Variants in HSPA12A observed in about 807,000 individuals in gnomAD.
HSPA12A encodes heat shock 70 kDa protein 12A.
HSPA12A carries 28 observed loss-of-function variants against 69.2 expected under a neutral mutation model. That is an observed-to-expected ratio of 0.40 (90% CI 0.30 to 0.55). The LOEUF is 0.55. Among genes scored for constraint, HSPA12A ranks in the 20% least tolerant of loss-of-function variants. The probability of loss-of-function intolerance (pLI) is 0.38; values close to 1 mark genes in which losing one functional copy is unlikely to be tolerated. For synonymous variants in HSPA12A, 345 were observed against 370.5 expected, an observed-to-expected ratio of 0.93 and a Z score of 0.79; for missense variants, 686 against 900.7, an observed-to-expected ratio of 0.76 and a Z score of 3.05.
chr10:116,753,269 T>G (rs1554888510), intron 2 of HSPA12A, among the ~76,000 whole-genome samples: 1 of 152,178 alleles, frequency 6.6e-6, no homozygotes, highest in Non-Finnish European at 1.5e-5. Flanking sequence ...GACAGGCCTG[T>G]GTCCCATTCA....
intron 1 of HSPA12A, among the ~76,000 whole-genome samples, chr10:116,839,304 T>G (rs1212629611): frequency 6.6e-6 from 1 of 152,206 alleles, no homozygotes. Flanking sequence ...TTACTGAAGC[T>G]GCATGAGCAC....
chr10:116,732,361 G>GAAGGAAGGAAGGAAGGAAAGAAA (rs1554885934), intron 1 of HSPA12A, among the ~76,000 whole-genome samples: 1 of 100,016 alleles, frequency 1.0e-5, no homozygotes, highest in Non-Finnish European at 2.3e-5. Context: ...AGAGACAGAG[G>GAAGGAAGGAAGGAAGGAAAGAAA]GAAAGAAAAC....
At position 116,704,895 on chromosome 10, in the gene HSPA12A, G is replaced by A. The variant is rs193107060; in HGVS notation, c.254+256C>T. ...CAGGCCACAAGCTGGATTCACCCGG[G>A]CCAGGCTTCAAACATACTGCCCAGG... On this transcript the variant is annotated intron_variant, in intron 3 of 11. Coordinates refer to ENST00000369209, the MANE Select transcript of HSPA12A (RefSeq NM_025015.3). 9.9e-5 allele frequency among the ~76,000 whole-genome samples: 15 copies of A among 152,264 alleles called. No homozygotes were observed. In the Middle Eastern group the frequency reaches 0.01, roughly 104 times the overall value.
At chr10:116,681,913 G>A (rs1554878687) in intron 7 of HSPA12A, 36 bp from the exon 8 acceptor site, 10 of 1,588,122 alleles carry the variant, frequency 6.3e-6, no homozygotes, top group African/African-American at 4.0e-5. Context: ...TGACGGGTAA[G>A]AAAGCATGAA....
chr10:116,711,659 TTTTTTTTC>T (rs1290685229), intron 1 of HSPA12A, among the ~76,000 whole-genome samples: 1 of 23,606 alleles, frequency 4.2e-5, no homozygotes, highest in Non-Finnish European at 7.2e-5. Context: ...GACTCTTTCT[TTTTTTTTC>T]TTTTTTTTTT....
chr10:116,676,915 T>G (rs1554877816), intron 10 of HSPA12A, among the ~76,000 whole-genome samples: 1 of 152,216 alleles, frequency 6.6e-6, no homozygotes, highest in African/African-American at 2.4e-5. Flanking sequence ...CTCAGGTGCA[T>G]GTCCTCAGCC....
chr10:116,722,614 G>A (rs1210377787), intron 1 of HSPA12A, among the ~76,000 whole-genome samples: 1 of 152,144 alleles, frequency 6.6e-6, no homozygotes, highest in African/African-American at 2.4e-5. Context: ...CACACTCGGT[G>A]TGCCTGTCCT....
chr10:116,792,530 A>G (rs1844720978), intron 2 of HSPA12A, among the ~76,000 whole-genome samples: 1 of 151,404 alleles, frequency 6.6e-6, no homozygotes, highest in South Asian at 2.1e-4. Flanking sequence ...TAATCCCAGC[A>G]CTTTGGGAGG....
At chr10:116,835,577 A>T (rs1258471187) in intron 1 of HSPA12A, among the ~76,000 whole-genome samples, 5 of 152,204 alleles carry the variant, frequency 3.3e-5, no homozygotes, top group Non-Finnish European at 7.3e-5. Context: ...GGTGTAAAAC[A>T]AATTCCTAGA....
At chr10:116,758,142 G>T (rs1005443140) in intron 2 of HSPA12A, among the ~76,000 whole-genome samples, 2 of 152,174 alleles carry the variant, frequency 1.3e-5, no homozygotes, top group African/African-American at 4.8e-5. Flanking sequence ...AGAGGATGAG[G>T]TTGGAAAGGA....
Position 116,705,054 on chromosome 10 carries a change from C to T in HSPA12A, c.254+97G>A, listed in dbSNP as rs566996772. 18 of 1,441,022 alleles carry T rather than the reference C, an allele frequency of 1.2e-5. No individual in the cohort carries two copies. In the East Asian group the frequency reaches 1.9e-4, roughly 15 times the overall value. The allele number at this position is 1,441,022 out of a possible 1,614,324, so 89.3% of individuals were successfully genotyped here. A position where few individuals can be genotyped will look rare whatever the true frequency, so the allele number is the denominator to read the frequency against. ...GCCAAGCTGGAACAGAATCCAGGGC[C>T]GTCTTCGTAAGTGCCAATCACTGGC... On this transcript the variant is annotated intron_variant, in intron 3 of 11. Coordinates refer to ENST00000369209, the MANE Select transcript of HSPA12A (RefSeq NM_025015.3).
intron 5 of HSPA12A, among the ~76,000 whole-genome samples, chr10:116,696,502 A>C (rs780684576): frequency 6.6e-6 from 1 of 152,132 alleles, no homozygotes; most frequent in Non-Finnish European, 1.5e-5. Context: ...TTCGTCTTGC[A>C]CCATGATTGT....
chr10:116,777,392 C>T (rs954422348), intron 2 of HSPA12A, among the ~76,000 whole-genome samples: 3 of 152,246 alleles, frequency 2.0e-5, no homozygotes, highest in Non-Finnish European at 2.9e-5. Flanking sequence ...AGTTTTCAAA[C>T]ATTAGTCCTC....
intron 2 of HSPA12A, among the ~76,000 whole-genome samples, chr10:116,748,769 G>A (rs1422357529): frequency 3.3e-5 from 5 of 152,184 alleles, no homozygotes; most frequent in Admixed American, 3.3e-4. Context: ...CACTACACAA[G>A]AACAGCATGG....
chr10:116,817,029 AATC>A (rs1403705570), intron 2 of HSPA12A, among the ~76,000 whole-genome samples: 1 of 152,200 alleles, frequency 6.6e-6, no homozygotes, highest in African/African-American at 2.4e-5. Flanking sequence ...AGTTTGCTGG[AATC>A]ATCTGGATTG....
At chr10:116,792,321 G>A (rs3125623) in intron 2 of HSPA12A, among the ~76,000 whole-genome samples, 119,961 of 146,336 alleles carry the variant, frequency 0.82, 51,178 homozygotes, top group Non-Finnish European at 0.93. Flanking sequence ...TGTGAAAGGA[G>A]GTTAAGAGAC....
chr10:116,739,591 C>G (rs549875540), intron 1 of HSPA12A, among the ~76,000 whole-genome samples: 1 of 152,068 alleles, frequency 6.6e-6, no homozygotes, highest in Non-Finnish European at 1.5e-5. Context: ...CCTGTCCGAA[C>G]CACTCTGTCC....
intron 2 of HSPA12A, among the ~76,000 whole-genome samples, chr10:116,790,074 T>C (rs573955873): frequency 2.0e-5 from 3 of 149,448 alleles, no homozygotes; most frequent in Non-Finnish European, 3.0e-5. Flanking sequence ...CTGCATGGTA[T>C]GGACCCTGAT....
intron 2 of HSPA12A, among the ~76,000 whole-genome samples, chr10:116,799,939 T>C (rs1844919841): frequency 6.6e-6 from 1 of 152,248 alleles, no homozygotes. Flanking sequence ...ATTTACATTC[T>C]AGCAGGTGAA....
Sources: allele counts gnomAD v4.1 joint callset (sites outside exome capture counted in the v4.1 genomes callset), GRCh38; gene constraint gnomAD v4.1.1; transcripts MANE v1.5; gene names NCBI Gene and HGNC (gene_info 2026-07-23, HGNC 2026-07-21).